Variants in INPP4B observed in about 807,000 individuals in gnomAD.
INPP4B encodes the protein inositol polyphosphate-4-phosphatase type II B.
A neutral mutation model predicts 122.5 loss-of-function variants in INPP4B; 55 were observed. The observed-to-expected ratio is 0.45, with a 90% CI of 0.36 to 0.56. The LOEUF (loss-of-function observed/expected upper bound fraction) is 0.56, where lower values mean the gene tolerates loss of function less well. INPP4B is among the 20% of genes least tolerant of loss of function. The probability of loss-of-function intolerance (pLI) is 0.00; values close to 1 mark genes in which losing one functional copy is unlikely to be tolerated. For synonymous variants in INPP4B, 403 were observed against 388.7 expected (o/e 1.04, Z -0.43); for missense variants, 1,000 against 1,097.7 (o/e 0.91, Z 1.26).
chr4:142,478,498 G>A (rs968858220), intron 2 of INPP4B, among the ~76,000 whole-genome samples: 5 of 152,068 alleles, frequency 3.3e-5, no homozygotes, highest in African/African-American at 1.2e-4. Flanking sequence ...TAATGTAAAT[G>A]GATGCTGAAT....
At chr4:142,552,380 T>G (rs979531501) in intron 2 of INPP4B, among the ~76,000 whole-genome samples, 1 of 151,932 alleles carries the variant, frequency 6.6e-6, no homozygotes. Flanking sequence ...TTGAAGTTTA[T>G]TAAGTAAACT....
intron 2 of INPP4B, among the ~76,000 whole-genome samples, chr4:142,483,179 A>G (rs989635098): frequency 9.4e-5 from 9 of 95,810 alleles, no homozygotes; most frequent in African/African-American, 1.7e-4. Flanking sequence ...GAGTCAGGCT[A>G]TGCTTTTTTT....
chr4:142,673,145 G>A (rs1757239621), intron 2 of INPP4B, among the ~76,000 whole-genome samples: 1 of 152,064 alleles, frequency 6.6e-6, no homozygotes, highest in Non-Finnish European at 1.5e-5. Context: ...TTAATACAAA[G>A]TCTTAAAATC....
chr4:142,708,415 A>G (rs1393399090), intron 2 of INPP4B, among the ~76,000 whole-genome samples: 2 of 152,132 alleles, frequency 1.3e-5, no homozygotes, highest in Non-Finnish European at 1.5e-5. Flanking sequence ...AGAAAACTTC[A>G]AGGCAGCCTC....
At chr4:142,326,393 T>C (rs1772372040) in intron 7 of INPP4B, among the ~76,000 whole-genome samples, 2 of 152,190 alleles carry the variant, frequency 1.3e-5, no homozygotes, top group Non-Finnish European at 2.9e-5. Flanking sequence ...CTAAAGATAA[T>C]AGCTGATAAC....
At chr4:142,305,857 G>GATATATTT in intron 8 of INPP4B, 1 of 1,097,090 alleles carries the variant, frequency 9.1e-7, no homozygotes, top group Non-Finnish European at 1.1e-6. Context: ...AATAAAAGAT[G>GATATATTT]ATATATTTTC....
chr4:142,738,584 T>C (rs1480591742), intron 1 of INPP4B, among the ~76,000 whole-genome samples: 2 of 150,956 alleles, frequency 1.3e-5, no homozygotes, highest in African/African-American at 4.9e-5. Flanking sequence ...AGTTGTGCAC[T>C]GTACCCTAAA....
intron 3 of INPP4B, among the ~76,000 whole-genome samples, chr4:142,458,017 C>T (rs1815858323): frequency 6.6e-6 from 1 of 152,138 alleles, no homozygotes; most frequent in African/African-American, 2.4e-5. Flanking sequence ...GACACAGATG[C>T]TTTTAGTGGC....
chr4:142,798,703 T>C (rs1469742701), intron 1 of INPP4B, among the ~76,000 whole-genome samples: 2 of 151,864 alleles, frequency 1.3e-5, no homozygotes, highest in African/African-American at 4.8e-5. Context: ...GGAGATTGCA[T>C]AATGAGATAA....
At chr4:142,768,996 C>T (rs1326591743) in intron 1 of INPP4B, among the ~76,000 whole-genome samples, 2 of 152,080 alleles carry the variant, frequency 1.3e-5, no homozygotes, top group Non-Finnish European at 2.9e-5. Flanking sequence ...TACAATAGCC[C>T]AAGGTAAATG....
At chr4:142,170,716 C>T (rs181819468) in intron 16 of INPP4B, among the ~76,000 whole-genome samples, 2 of 151,892 alleles carry the variant, frequency 1.3e-5, no homozygotes, top group Admixed American at 1.3e-4. Flanking sequence ...CTATTACTGT[C>T]ACTTCAACAT....
chr4:142,630,809 G>A (rs934462537), intron 2 of INPP4B, among the ~76,000 whole-genome samples: 1 of 152,068 alleles, frequency 6.6e-6, no homozygotes, highest in African/African-American at 2.4e-5. Context: ...TGAGGTGGTA[G>A]GTAAGTCTAT....
At chr4:142,544,230 G>A (rs1292659280) in intron 2 of INPP4B, among the ~76,000 whole-genome samples, 1 of 150,326 alleles carries the variant, frequency 6.7e-6, no homozygotes, top group Non-Finnish European at 1.5e-5. Flanking sequence ...TGACTAAGAA[G>A]CAGAATAACC....
At chr4:142,226,880 T>C (rs1654755201) in intron 12 of INPP4B, among the ~76,000 whole-genome samples, 1 of 152,146 alleles carries the variant, frequency 6.6e-6, no homozygotes, top group African/African-American at 2.4e-5. Flanking sequence ...CACTGAACTG[T>C]TGGGTAGGCA....
intron 25 of INPP4B, among the ~76,000 whole-genome samples, chr4:142,073,872 T>C (rs1463931070): frequency 1.3e-5 from 2 of 152,062 alleles, no homozygotes; most frequent in Non-Finnish European, 2.9e-5. Context: ...GAGACCTTTC[T>C]TGGACTAGTT....
chr4:142,760,516 G>A (rs1771175027), intron 1 of INPP4B, among the ~76,000 whole-genome samples: 1 of 152,012 alleles, frequency 6.6e-6, no homozygotes, highest in South Asian at 2.1e-4. Context: ...TTCCAGAGAT[G>A]AAATCAATTA....
intron 15 of INPP4B, among the ~76,000 whole-genome samples, chr4:142,187,416 T>G (rs908788293): frequency 6.6e-6 from 1 of 152,138 alleles, no homozygotes; most frequent in Non-Finnish European, 1.5e-5. Context: ...ATTTTTAAAT[T>G]TGGAGTATTG....
chr4:142,222,784 T>C lies in INPP4B; in HGVS notation c.837-13758A>G, dbSNP rs115493610. On this transcript the variant is annotated intron_variant, in intron 12 of 25. Coordinates refer to ENST00000262992, the MANE Select transcript of INPP4B (RefSeq NM_001101669.3). ...TCCATTGAGAATTCGTGGCATAGTA[T>C]AGTCAGCATACCTATGAAGTGTGCT... is the stretch of plus-strand genomic sequence containing the variant. 4.2e-3 allele frequency among the ~76,000 whole-genome samples: 638 copies of C among 152,304 alleles called. 6 individuals are homozygous for C. Among genetic ancestry groups the C allele is most frequent in the African/African-American group, 0.015 (614 of 41,560 alleles).
At chr4:142,036,972 G>C (rs1201553495) in intron 25 of INPP4B, among the ~76,000 whole-genome samples, 1 of 152,172 alleles carries the variant, frequency 6.6e-6, no homozygotes, top group African/African-American at 2.4e-5. Context: ...GATGTTTTAA[G>C]TAATAACATT....
Sources: gnomAD v4.1 joint callset for allele counts (sites outside exome capture counted in the v4.1 genomes callset) on GRCh38, gnomAD v4.1.1 for gene constraint, MANE v1.5 for transcripts, NCBI Gene and HGNC (gene_info 2026-07-23, HGNC 2026-07-21) for gene names.